BABAM2: variants seen among roughly 807,000 people sequenced by gnomAD.
The protein encoded by BABAM2 is BRISC and BRCA1 A complex member 2.
In BABAM2, 31 loss-of-function variants were observed where a neutral mutation model predicts 54.7. The ratio of observed to expected loss-of-function variants is 0.57; its 90% confidence interval spans 0.43 to 0.77. BABAM2 has a LOEUF of 0.77. Among genes scored for constraint, BABAM2 ranks in the 30% least tolerant of loss-of-function variants. The pLI, the probability that BABAM2 is intolerant of heterozygous loss-of-function variation, is 0.00. For synonymous variants in BABAM2, 167 were observed against 162.9 expected (o/e 1.03, Z -0.19); for missense variants, 364 against 455.8 (o/e 0.80, Z 1.83).
At chr2:28,080,570 A>G (rs188783241) in intron 6 of BABAM2, among the ~76,000 whole-genome samples, 176 of 152,286 alleles carry the variant, frequency 1.2e-3, no homozygotes, top group Middle Eastern at 3.4e-3. Context: ...TTTTTTGGTG[A>G]TGGCTGTTGA....
intron 7 of BABAM2, among the ~76,000 whole-genome samples, chr2:28,178,751 A>T (rs1457052031): frequency 2.0e-5 from 3 of 151,864 alleles, no homozygotes; most frequent in Admixed American, 2.0e-4. Context: ...GCTAGACTAT[A>T]CAAGAAAAAA....
rs993547515 is a variant in BABAM2 at position 28,237,217 on chromosome 2, C to T, written c.696C>T (p.Ser232=). The T allele has an allele frequency of 5.0e-6, 8 of 1,613,706 alleles. No individual in the cohort carries two copies. In the Admixed American group the frequency reaches 5.0e-5, roughly 10 times the overall value. Residue 232 remains serine, a synonymous_variant, in exon 8 of 12, where the codon TCC becomes TCT. Transcript: ENST00000379624. ...GTCCTTTCAGTGCACTTGGAGGCTC[C>T]TCAGCTCTTCATATCCCAGCTTTTC... The part of the protein sequence containing the change: ...SPRIEHALGG[S]SALHIPAFPG...
intron 7 of BABAM2, among the ~76,000 whole-genome samples, chr2:28,154,006 A>C (rs1672306684): frequency 6.6e-6 from 1 of 152,182 alleles, no homozygotes; most frequent in Non-Finnish European, 1.5e-5. Flanking sequence ...AATATTATCA[A>C]AGCCCAAGTC....
At position 28,310,784 on chromosome 2, in the gene BABAM2, T is replaced by C. The variant is rs898647997; in HGVS notation, c.1088+12293T>C. Among the ~76,000 whole-genome samples, 8 of 152,230 alleles carry C rather than the reference T, an allele frequency of 5.3e-5. No homozygotes were observed. In the East Asian group the frequency reaches 1.2e-3, roughly 22 times the overall value. On this transcript the variant is annotated intron_variant, in intron 11 of 11. Coordinates refer to ENST00000379624, the MANE Select transcript of BABAM2 (RefSeq NM_199191.3). The stretch of plus-strand genomic sequence containing the variant: ...CTGTAATCCCAGCTACTTAGGAGAC[T>C]GAGGCAGGAGGATCACTTGAACCGG...
chr2:28,297,063 T>C (rs1687758089), intron 10 of BABAM2, among the ~76,000 whole-genome samples: 1 of 152,226 alleles, frequency 6.6e-6, no homozygotes, highest in Non-Finnish European at 1.5e-5. Context: ...TACTTCATAA[T>C]GACAACTTTA....
At position 28,302,682 on chromosome 2, in the gene BABAM2, G is replaced by T. The variant is rs183856131; in HGVS notation, c.1088+4191G>T. ...GACAAGCTTTTTTAAAGTGGTATCGGTTTACCCTCCCATCAGCAATATGCC... is the reference window on the plus strand; with the variant it reads ...GACAAGCTTTTTTAAAGTGGTATCGTTTTACCCTCCCATCAGCAATATGCC... On this transcript the variant is annotated intron_variant, in intron 11 of 11. Coordinates refer to ENST00000379624, the MANE Select transcript of BABAM2 (RefSeq NM_199191.3). Among the ~76,000 whole-genome samples the T allele has an allele frequency of 2.0e-3, 301 of 152,210 alleles. 1 individual carries two copies. Among genetic ancestry groups the T allele is most frequent in the South Asian group, 3.5e-3 (17 of 4,824 alleles).
chr2:28,219,348 G>T (rs902784782), intron 7 of BABAM2, among the ~76,000 whole-genome samples: 4 of 152,182 alleles, frequency 2.6e-5, no homozygotes, highest in Non-Finnish European at 5.9e-5. Context: ...CATGCTTCAA[G>T]TTTTTCCTGC....
rs77574754 is a variant in BABAM2 at position 27,957,056 on chromosome 2, T to G, written c.205+27148T>G. Among the ~76,000 whole-genome samples the G allele has an allele frequency of 2.6e-3, 389 of 152,316 alleles. 1 individual carries two copies. The highest frequency in any genetic ancestry group is 8.9e-3 in the African/African-American group (369 of 41,582). Reference sequence around the variant, plus strand: ...ACTAAGGAATGAATGCTACTTAATGTTGAAATCAGACGCTTTGGTCATCCC... The same window carrying G: ...ACTAAGGAATGAATGCTACTTAATGGTGAAATCAGACGCTTTGGTCATCCC... On this transcript the variant is annotated intron_variant, in intron 3 of 11. Coordinates refer to ENST00000379624, the MANE Select transcript of BABAM2 (RefSeq NM_199191.3).
At chr2:27,980,434 C>A (rs913840710) in intron 3 of BABAM2, among the ~76,000 whole-genome samples, 4 of 152,128 alleles carry the variant, frequency 2.6e-5, no homozygotes, top group Non-Finnish European at 5.9e-5. Flanking sequence ...CCCCAGGTGT[C>A]CAGTATGCAC....
chr2:27,993,228 A>G (rs546707347), intron 4 of BABAM2, among the ~76,000 whole-genome samples: 1 of 152,238 alleles, frequency 6.6e-6, no homozygotes, highest in East Asian at 1.9e-4. Flanking sequence ...GCTTCAGGAG[A>G]GAGTGGAATT....
upstream of BABAM2, chr2:27,890,710 G>A (rs936335759): frequency 3.0e-5 from 5 of 163,968 alleles, no homozygotes; most frequent in East Asian, 8.6e-4. This position sits in a 1 kb window ranked among gnomAD's most constrained non-coding sequence, Gnocchi z 4.8. Context: ...CGCAGAGGGG[G>A]CGGGGCGGGA....
intron 5 of BABAM2, among the ~76,000 whole-genome samples, chr2:28,031,543 A>G (rs1049263575): frequency 6.6e-6 from 1 of 152,176 alleles, no homozygotes; most frequent in Non-Finnish European, 1.5e-5. Flanking sequence ...AAAGTCTACT[A>G]TGCTAGGTTT....
chr2:28,179,355 G>A (rs754635150), intron 7 of BABAM2, among the ~76,000 whole-genome samples: 9 of 152,102 alleles, frequency 5.9e-5, no homozygotes, highest in Non-Finnish European at 1.2e-4. Flanking sequence ...ATACGATATA[G>A]CCATCATCAG....
rs541274464 is a variant in BABAM2, at chr2:28,190,110, A to G, written c.681-47092A>G. 1.7e-4 allele frequency among the ~76,000 whole-genome samples: 26 copies of G among 152,348 alleles called. No individual in the cohort carries two copies. In the South Asian group the frequency reaches 5.0e-3, roughly 29 times the overall value. On this transcript the variant is annotated intron_variant, in intron 7 of 11. Transcript: ENST00000379624. Reference sequence around the variant, plus strand: ...GCCATAACCAAAAAGTTGAGCCTCAATCCTTACCCCATAGCATGTACAGCA... The same window carrying G: ...GCCATAACCAAAAAGTTGAGCCTCAGTCCTTACCCCATAGCATGTACAGCA...
At chr2:27,963,469 CA>C (rs760525051) in intron 3 of BABAM2, among the ~76,000 whole-genome samples, 5,127 of 54,558 alleles carry the variant, frequency 0.094, 70 homozygotes, top group African/African-American at 0.18. Context: ...GACTCTTTCT[CA>C]AAAAAAAAAA....
Position 28,064,645 on chromosome 2 carries a change from T to C in BABAM2, c.570+18846T>C, listed in dbSNP as rs985139935. ...TGTCATAGACCCATATACTTGAGAATTGGCATGTGTGAGGCTGAAGTTTTA... is the reference window on the plus strand; with the variant it reads ...TGTCATAGACCCATATACTTGAGAACTGGCATGTGTGAGGCTGAAGTTTTA... On this transcript the variant is annotated intron_variant, in intron 6 of 11. Transcript: ENST00000379624. Among the ~76,000 whole-genome samples, 9 of 152,322 alleles carry C rather than the reference T, an allele frequency of 5.9e-5. No individual in the cohort carries two copies. In the South Asian group the frequency reaches 1.4e-3, roughly 25 times the overall value.
At chr2:27,958,413 C>A (rs1477880952) in intron 3 of BABAM2, among the ~76,000 whole-genome samples, 4 of 151,486 alleles carry the variant, frequency 2.6e-5, no homozygotes, top group Non-Finnish European at 5.9e-5. Flanking sequence ...CAACTGATGA[C>A]AGTAAACAGC....
At chr2:28,107,739 T>C (rs879758841) in intron 6 of BABAM2, among the ~76,000 whole-genome samples, 39 of 152,338 alleles carry the variant, frequency 2.6e-4, no homozygotes, top group Admixed American at 2.1e-3. Context: ...TTCAGCCTAA[T>C]GAATAGTTTA....
In BABAM2 at chr2:28,310,228, G is replaced by A. The variant is rs936609787; in HGVS notation, c.1088+11737G>A. ...ATGATAAGCTCCATTGAAAAGCCTG[G>A]CCATCAATTACTGCCAATACAGCCC... On this transcript the variant is annotated intron_variant, in intron 11 of 11. Coordinates refer to ENST00000379624, the MANE Select transcript of BABAM2 (RefSeq NM_199191.3). 3.4e-6 allele frequency: 5 copies of A among 1,476,836 alleles called. No individual in the cohort carries two copies. In the African/African-American group the frequency reaches 4.2e-5, roughly 12 times the overall value. 91.5% of individuals were successfully genotyped at this position (1,476,836 alleles called of 1,614,324 possible).
Sources: allele counts gnomAD v4.1 joint callset (sites outside exome capture counted in the v4.1 genomes callset), GRCh38; gene constraint gnomAD v4.1.1; non-coding constraint Gnocchi (gnomAD v3.1); transcripts MANE v1.5; gene names NCBI Gene and HGNC (gene_info 2026-07-23, HGNC 2026-07-21).